Variants in PPP2R5E observed in about 807,000 individuals in gnomAD.
The protein encoded by PPP2R5E is serine/threonine-protein phosphatase 2A 56 kDa regulatory subunit epsilon isoform.
Under a neutral mutation model 65.3 loss-of-function variants are expected in PPP2R5E, and 4 were observed. The ratio of observed to expected loss-of-function variants is 0.06; its 90% CI spans 0.03 to 0.14. PPP2R5E has a LOEUF of 0.14. Ranked by LOEUF, PPP2R5E falls within the 10% of genes least tolerant of loss-of-function variation. PPP2R5E has a pLI of 1.00. For missense variants in PPP2R5E, 274 were observed against 556.1 expected (o/e 0.49, Z 5.10); for synonymous variants, 183 against 187.4 (o/e 0.98, Z 0.19).
chr14:63,496,490 G>T (rs1891578092), intron 2 of PPP2R5E, among the ~76,000 whole-genome samples: 1 of 149,236 alleles, frequency 6.7e-6, no homozygotes, highest in Non-Finnish European at 1.5e-5. Context: ...AATTAAATTT[G>T]CCAAACCAAC....
In PPP2R5E at chr14:63,372,359, C is replaced by T. The variant is rs1883733179; in HGVS notation, c.*3650G>A. On this transcript the variant is annotated 3_prime_UTR_variant, in exon 14 of 14. Coordinates refer to ENST00000337537, the MANE Select transcript of PPP2R5E (RefSeq NM_006246.5). The stretch of plus-strand genomic sequence containing the variant: ...ACCTACTACAAAAATCTTTGTGGCT[C>T]ATTCCTTAACTCCACTCAGAGAAGC... The T allele has an allele frequency of 6.6e-6, 1 of 152,152 alleles. No individual in the cohort carries two copies. The highest frequency in any genetic ancestry group is 1.5e-5 in the Non-Finnish European group (1 of 68,024). The allele number at this position is 152,152 out of a possible 1,614,324, so 9.4% of individuals were successfully genotyped here. A position where few individuals can be genotyped will look rare whatever the true frequency, so the allele number is the denominator to read the frequency against.
intron 3 of PPP2R5E, among the ~76,000 whole-genome samples, chr14:63,435,529 T>C (rs61983962): frequency 0.027 from 4,069 of 152,294 alleles, 77 homozygotes; most frequent in Non-Finnish European, 0.04. Context: ...ACTTTCTTCA[T>C]AGGGTCTGGA....
chr14:63,512,333 G>T (rs894794301), intron 2 of PPP2R5E, among the ~76,000 whole-genome samples: 1 of 152,166 alleles, frequency 6.6e-6, no homozygotes, highest in African/African-American at 2.4e-5. Context: ...GATGGGTAGA[G>T]ATAGATGATG....
intron 2 of PPP2R5E, among the ~76,000 whole-genome samples, chr14:63,472,216 G>T (rs893980805): frequency 1.3e-5 from 2 of 152,104 alleles, no homozygotes; most frequent in Admixed American, 6.5e-5. Flanking sequence ...AGGAGAATCG[G>T]CTGAACCCAG....
At chr14:63,377,155 A>T (rs1346695088) in intron 13 of PPP2R5E, among the ~76,000 whole-genome samples, 1 of 150,534 alleles carries the variant, frequency 6.6e-6, no homozygotes, top group Non-Finnish European at 1.5e-5. Flanking sequence ...TCTCCAAAAA[A>T]AAATAAAAAA....
intron 2 of PPP2R5E, among the ~76,000 whole-genome samples, chr14:63,522,753 G>A (rs1161801352): frequency 6.1e-5 from 9 of 146,694 alleles, no homozygotes; most frequent in African/African-American, 2.0e-4. Flanking sequence ...CCCGGAAGCC[G>A]CCCCGTCTGA....
intron 5 of PPP2R5E, among the ~76,000 whole-genome samples, chr14:63,411,196 G>C (rs1754192641): frequency 6.6e-6 from 1 of 151,990 alleles, no homozygotes; most frequent in Admixed American, 6.6e-5. Flanking sequence ...ACAGAGTCCT[G>C]GCTTTTACCA....
intron 2 of PPP2R5E, among the ~76,000 whole-genome samples, chr14:63,506,135 A>G (rs1336564214): frequency 1.3e-4 from 20 of 152,162 alleles, no homozygotes; most frequent in Admixed American, 1.2e-3. Flanking sequence ...CCCAGAATAT[A>G]AAAAGAATTC....
At chr14:63,477,165 A>G (rs1890451032) in intron 2 of PPP2R5E, among the ~76,000 whole-genome samples, 1 of 152,168 alleles carries the variant, frequency 6.6e-6, no homozygotes, top group Non-Finnish European at 1.5e-5. Flanking sequence ...AACCATTCTC[A>G]TTAAAAAATT....
Position 63,498,362 on chromosome 14 carries a change from A to G in PPP2R5E, c.157+41167T>C, listed in dbSNP as rs560663139. Among the ~76,000 whole-genome samples the G allele has an allele frequency of 5.7e-5, 8 of 141,416 alleles. 1 individual carries two copies. The highest frequency in any genetic ancestry group is 3.4e-3 in the Middle Eastern group (1 of 292). The allele number at this position is 141,416 out of a possible 152,430, so 92.8% of individuals were successfully genotyped here. On this transcript the variant is annotated intron_variant, in intron 2 of 13. Coordinates refer to ENST00000337537, the MANE Select transcript of PPP2R5E (RefSeq NM_006246.5). ...CTCTGTCCACTTCACTAACCTCTTG[A>G]CATCATTTCTTTTCTTTTCTTTTTT...
At chr14:63,493,495 C>CGTGT (rs34814989) in intron 2 of PPP2R5E, among the ~76,000 whole-genome samples, 6 of 87,300 alleles carry the variant, frequency 6.9e-5, no homozygotes, top group South Asian at 3.5e-4. Context: ...TGTGTGTGTG[C>CGTGT]GTGTGTGTGG....
chr14:63,542,926 T>G lies in PPP2R5E; in HGVS notation c.-155A>C, dbSNP rs1893968206. The G allele has an allele frequency of 6.5e-6, 1 of 152,690 alleles. No individual in the cohort carries two copies. The highest frequency in any genetic ancestry group is 6.5e-5 in the Admixed American group (1 of 15,280). The allele number at this position is 152,690 out of a possible 1,614,324, so 9.5% of individuals were successfully genotyped here. A position where few individuals can be genotyped will look rare whatever the true frequency, so the allele number is the denominator to read the frequency against. ...TGCGGGGAGCCTGGGGCGACGGCTG[T>G]CCGGTACGGGGTCCCTCCGGTTCCG... On this transcript the variant is annotated 5_prime_UTR_variant, in exon 1 of 14. Coordinates refer to ENST00000337537, the MANE Select transcript of PPP2R5E (RefSeq NM_006246.5).
chr14:63,408,837 G>C (rs185207117), intron 5 of PPP2R5E, among the ~76,000 whole-genome samples: 1 of 152,326 alleles, frequency 6.6e-6, no homozygotes, highest in African/African-American at 2.4e-5. Flanking sequence ...TGACTCGCCT[G>C]TATTGCCAGC....
intron 2 of PPP2R5E, among the ~76,000 whole-genome samples, chr14:63,525,430 A>G (rs1893150655): frequency 6.6e-6 from 1 of 152,236 alleles, no homozygotes; most frequent in African/African-American, 2.4e-5. Context: ...TTGGTATCAA[A>G]AAGAATCAAA....
intron 2 of PPP2R5E, among the ~76,000 whole-genome samples, chr14:63,492,946 A>T (rs1014157447): frequency 2.0e-5 from 3 of 152,148 alleles, no homozygotes; most frequent in Non-Finnish European, 4.4e-5. Flanking sequence ...GTCAAGCTCT[A>T]CTAAATTGGC....
At chr14:63,507,218 T>C (rs985046078) in intron 2 of PPP2R5E, among the ~76,000 whole-genome samples, 1 of 152,208 alleles carries the variant, frequency 6.6e-6, no homozygotes, top group African/African-American at 2.4e-5. Context: ...AACTCACAAG[T>C]TGCCTTACAG....
rs1441224653 is a variant in PPP2R5E at position 63,374,281 on chromosome 14, T to C, written c.*1728A>G. ...AATAATAAAACTGCGTATTCTACTT[T>C]ATATTTAAATGTAAGGAAGAAAATA... On this transcript the variant is annotated 3_prime_UTR_variant, in exon 14 of 14. Coordinates refer to ENST00000337537, the MANE Select transcript of PPP2R5E (RefSeq NM_006246.5). 1 of 152,050 alleles carries C rather than the reference T, an allele frequency of 6.6e-6. No individual in the cohort carries two copies. The highest frequency in any genetic ancestry group is 1.5e-5 in the Non-Finnish European group (1 of 67,992). 9.4% of individuals were successfully genotyped at this position (152,050 alleles called of 1,614,324 possible).
chr14:63,484,322 C>CT (rs1890866771), intron 2 of PPP2R5E, among the ~76,000 whole-genome samples: 1 of 147,586 alleles, frequency 6.8e-6, no homozygotes, highest in African/African-American at 2.6e-5. Flanking sequence ...TGATCGATCT[C>CT]TTTCTTTCTC....
chr14:63,528,655 TTAAAA>T (rs1366353047), intron 2 of PPP2R5E, among the ~76,000 whole-genome samples: 1 of 152,174 alleles, frequency 6.6e-6, no homozygotes, highest in Non-Finnish European at 1.5e-5. Flanking sequence ...AAATTATAAG[TTAAAA>T]TAAAATTGGC....
Sources: allele counts gnomAD v4.1 joint callset (sites outside exome capture counted in the v4.1 genomes callset), GRCh38; gene constraint gnomAD v4.1.1; transcripts MANE v1.5; gene names NCBI Gene and HGNC (gene_info 2026-07-23, HGNC 2026-07-21).